The following CDH18 variants were observed in gnomAD, a reference collection of about 807,000 sequenced individuals.
CDH18 encodes the protein cadherin-18.
A neutral mutation model predicts 67.9 loss-of-function variants in CDH18; 31 were observed. That is an observed-to-expected ratio of 0.46 (90% CI 0.34 to 0.62). The LOEUF (loss-of-function observed/expected upper bound fraction) is 0.62. Among genes scored for constraint, CDH18 ranks in the 20% least tolerant of loss-of-function variants. CDH18 has a pLI of 0.01. For missense variants in CDH18, 890 were observed against 975.5 expected, an observed-to-expected ratio of 0.91 and a Z score of 1.17; for synonymous variants, 362 against 347.2, an observed-to-expected ratio of 1.04 and a Z score of -0.48.
intron 1 of CDH18, among the ~76,000 whole-genome samples, chr5:20,384,020 CTT>C (rs1281290616): frequency 2.6e-5 from 4 of 151,960 alleles, no homozygotes; most frequent in Non-Finnish European, 5.9e-5. Context: ...AATTATCTAA[CTT>C]AAATATTTAG....
chr5:20,059,365 G>A (rs545185683), intron 2 of CDH18, among the ~76,000 whole-genome samples: 1 of 152,180 alleles, frequency 6.6e-6, no homozygotes, highest in South Asian at 2.1e-4. Flanking sequence ...CTTGTCTTGT[G>A]CTATCCTTTG....
intron 8 of CDH18, among the ~76,000 whole-genome samples, chr5:19,570,186 G>A (rs182843460): frequency 5.3e-5 from 8 of 152,078 alleles, no homozygotes; most frequent in Admixed American, 4.6e-4. Flanking sequence ...GGCATTCTAT[G>A]GAATGTTGAA....
chr5:20,129,039 A>T (rs2126463246), intron 2 of CDH18, among the ~76,000 whole-genome samples: 1 of 152,162 alleles, frequency 6.6e-6, no homozygotes, highest in South Asian at 2.1e-4. Context: ...TAAGGTACTC[A>T]ATCCTAAACA....
chr5:19,709,137 T>C (rs917153262), intron 5 of CDH18, among the ~76,000 whole-genome samples: 3 of 152,018 alleles, frequency 2.0e-5, no homozygotes, highest in Non-Finnish European at 4.4e-5. Flanking sequence ...CACTTACCCC[T>C]CAACTGGCAC....
Position 20,446,457 on chromosome 5 carries a change from C to T in CDH18, c.-580+129005G>A, listed in dbSNP as rs185785418. 2.0e-5 allele frequency among the ~76,000 whole-genome samples: 3 copies of T among 152,214 alleles called. No individual in the cohort carries two copies. In the East Asian group the frequency reaches 5.8e-4, roughly 29 times the overall value. On this transcript the variant is annotated intron_variant, in intron 1 of 14. Coordinates refer to the CDH18 transcript ENST00000507958. ...GAACAAAGTCTGCAGGAAAAGGCCT[C>T]AGAGGAGCTTGAAAAAAGTTTGCTC...
chr5:20,005,646 T>C (rs1736842445), intron 2 of CDH18, among the ~76,000 whole-genome samples: 2 of 151,754 alleles, frequency 1.3e-5, no homozygotes, highest in African/African-American at 4.8e-5. Flanking sequence ...AATTTTCAAG[T>C]TATTTAAGAT....
At chr5:20,527,089 CA>C (rs1276757776) in intron 1 of CDH18, among the ~76,000 whole-genome samples, 1 of 152,076 alleles carries the variant, frequency 6.6e-6, no homozygotes, top group Non-Finnish European at 1.5e-5. Flanking sequence ...AGCTGAGAAA[CA>C]GAGCATGAGA....
rs561843042 is a variant in CDH18 at position 20,395,223 on chromosome 5, A to T, written c.-579-139718T>A. On this transcript the variant is annotated intron_variant, in intron 1 of 14. Transcript: ENST00000507958. Reference sequence around the variant, plus strand: ...CATTAACTGATGAGTGGATAAAGAAAATATGGCACATATACACCACTGAAT... The same window carrying T: ...CATTAACTGATGAGTGGATAAAGAATATATGGCACATATACACCACTGAAT... 2.6e-5 allele frequency among the ~76,000 whole-genome samples: 4 copies of T among 152,358 alleles called. No individual in the cohort carries two copies. In the East Asian group the frequency reaches 7.7e-4, roughly 29 times the overall value.
At chr5:20,175,456 A>C (rs1313768047) in intron 2 of CDH18, among the ~76,000 whole-genome samples, 1 of 152,114 alleles carries the variant, frequency 6.6e-6, no homozygotes, top group Non-Finnish European at 1.5e-5. Context: ...ATCATCACCA[A>C]AGAGCCTGTG....
At chr5:20,523,249 A>T (rs967257462) in intron 1 of CDH18, among the ~76,000 whole-genome samples, 1 of 152,106 alleles carries the variant, frequency 6.6e-6, no homozygotes, top group South Asian at 2.1e-4. Context: ...CTTTTTGCAA[A>T]TGTCTTTCTA....
At chr5:20,485,661 G>A (rs894386789) in intron 1 of CDH18, among the ~76,000 whole-genome samples, 2 of 151,948 alleles carry the variant, frequency 1.3e-5, no homozygotes, top group African/African-American at 2.4e-5. Context: ...ACAATCTGAG[G>A]TAAGTAATAC....
At chr5:20,343,288 A>C (rs1738988641) in intron 1 of CDH18, among the ~76,000 whole-genome samples, 1 of 152,300 alleles carries the variant, frequency 6.6e-6, no homozygotes, top group African/African-American at 2.4e-5. Flanking sequence ...GCATTCCTAC[A>C]TACATTATAC....
chr5:20,217,990 A>G (rs546290155), intron 2 of CDH18, among the ~76,000 whole-genome samples: 2 of 152,066 alleles, frequency 1.3e-5, no homozygotes, highest in South Asian at 4.1e-4. Context: ...CATGATATAT[A>G]TGTACCCCAC....
chr5:19,801,530 C>T (rs148200109), intron 3 of CDH18, among the ~76,000 whole-genome samples: 164 of 152,248 alleles, frequency 1.1e-3, no homozygotes, highest in African/African-American at 3.9e-3. Flanking sequence ...CTTAATTGAT[C>T]TGAATGTATA....
chr5:20,559,767 G>A (rs997631456), intron 1 of CDH18, among the ~76,000 whole-genome samples: 2 of 152,024 alleles, frequency 1.3e-5, no homozygotes, highest in Non-Finnish European at 2.9e-5. Flanking sequence ...ACAAGATCAA[G>A]GTTGAAAAGT....
chr5:20,162,983 C>T (rs200053175), intron 2 of CDH18, among the ~76,000 whole-genome samples: 2 of 151,956 alleles, frequency 1.3e-5, no homozygotes, highest in Middle Eastern at 3.4e-3. Context: ...CGCTTGAACC[C>T]GGGAGGCGGA....
In CDH18 at chr5:20,306,295, G is replaced by GT. The variant is rs149477615; in HGVS notation, c.-579-50791dup. Among the ~76,000 whole-genome samples, 12 of 152,012 alleles carry GT rather than the reference G, an allele frequency of 7.9e-5. No individual in the cohort carries two copies. The South Asian group carries it at 1.7e-3, about 21-fold the overall frequency. On this transcript the variant is annotated intron_variant, in intron 1 of 14. Coordinates refer to the CDH18 transcript ENST00000507958. ...AGATCACAGTCCTATTCAATAGCAG[G>GT]TTTTTTTCATATTTCCAATATACTC...
rs529015530 is a variant in CDH18 at position 19,757,493 on chromosome 5, C to T, written c.229-10257G>A. Reference sequence around the variant, plus strand: ...CATGTGTAACCTCCATCCCTGCCAACATGGCCACTTTGTTCATGGACCCAT... The same window carrying T: ...CATGTGTAACCTCCATCCCTGCCAATATGGCCACTTTGTTCATGGACCCAT... On this transcript the variant is annotated intron_variant, in intron 3 of 12. Coordinates refer to ENST00000382275, the MANE Select transcript of CDH18 (RefSeq NM_004934.5). Among the ~76,000 whole-genome samples the T allele has an allele frequency of 2.0e-5, 3 of 152,324 alleles. No individual in the cohort carries two copies. The East Asian group carries it at 5.8e-4, about 29-fold the overall frequency.
chr5:20,095,565 AAAGAAAGG>A (rs1425530224), intron 2 of CDH18, among the ~76,000 whole-genome samples: 4 of 10,568 alleles, frequency 3.8e-4, no homozygotes, highest in African/African-American at 1.1e-3. Context: ...GAAAGAAAGG[AAAGAAAGG>A]AAGAAAGGAA....
Sources: gnomAD v4.1 joint callset for allele counts (sites outside exome capture counted in the v4.1 genomes callset) on GRCh38, gnomAD v4.1.1 for gene constraint, MANE v1.5 for transcripts, NCBI Gene and HGNC (gene_info 2026-07-23, HGNC 2026-07-21) for gene names.